The following SLC25A28 variants were observed in gnomAD, a reference collection of about 807,000 sequenced individuals.
The protein encoded by SLC25A28 is mitoferrin-2.
A neutral mutation model predicts 31.9 loss-of-function variants in SLC25A28; 10 were observed. That is an observed-to-expected ratio of 0.31 (90% CI 0.19 to 0.53). SLC25A28 has a LOEUF of 0.53. Ranked by LOEUF, SLC25A28 falls within the 20% of genes least tolerant of loss-of-function variation. The pLI, the probability that SLC25A28 is intolerant of heterozygous loss-of-function variation, is 0.95. For synonymous variants in SLC25A28, 208 were observed against 203.6 expected (o/e 1.02, Z -0.19); for missense variants, 256 against 490.3 (o/e 0.52, Z 4.51).
At chr10:99,612,649 A>C in intron 2 of SLC25A28, 50 bp from the exon 3 acceptor site, 1 of 1,606,920 alleles carries the variant, frequency 6.2e-7, no homozygotes, top group South Asian at 1.1e-5. Context: ...GAGCTGACCA[A>C]CTCATTGAGG....
chr10:99,644,854 C>A, the SLC25A28 span, among the ~76,000 whole-genome samples: 1 of 152,266 alleles, frequency 6.6e-6, no homozygotes, highest in East Asian at 1.9e-4. Flanking sequence ...GTTGAAAATT[C>A]TTTTCTTTAA....
chr10:99,635,756 T>C, the SLC25A28 span, among the ~76,000 whole-genome samples: 1 of 151,278 alleles, frequency 6.6e-6, no homozygotes, highest in Non-Finnish European at 1.5e-5. Flanking sequence ...CACATAAACT[T>C]AAAGTAAAGG....
At chr10:99,652,970 A>G in the SLC25A28 span, among the ~76,000 whole-genome samples, 1 of 152,210 alleles carries the variant, frequency 6.6e-6, no homozygotes, top group East Asian at 1.9e-4. Context: ...AGAGGATTAT[A>G]ACATAGCACA....
At position 99,616,724 on chromosome 10, in the gene SLC25A28, T is replaced by C. The variant is rs548172597; in HGVS notation, c.292-2800A>G. ...TTCTTGTAATCTGCTTTTGGGAAGC[T>C]ATATGGAAGGCTTGAGAGTCTGATA... On this transcript the variant is annotated intron_variant, in intron 1 of 3. Coordinates refer to ENST00000370495, the MANE Select transcript of SLC25A28 (RefSeq NM_031212.4). The C allele has an allele frequency of 5.1e-6, 5 of 985,448 alleles. No individual in the cohort carries two copies. The East Asian group carries it at 5.7e-4, about 112-fold the overall frequency. The allele number at this position is 985,448 out of a possible 1,614,324, so 61.0% of individuals were successfully genotyped here. A position where few individuals can be genotyped will look rare whatever the true frequency, so the allele number is the denominator to read the frequency against.
Position 99,613,328 on chromosome 10 carries a change from G to T in SLC25A28, c.520+368C>A. On this transcript the variant is annotated intron_variant, in intron 2 of 3. Coordinates refer to ENST00000370495, the MANE Select transcript of SLC25A28 (RefSeq NM_031212.4). This position sits in a 1 kb window ranked among gnomAD's most constrained non-coding sequence, Gnocchi z 4.9. ...TAGTATCTTCCTTGGGTGGCTGGCT[G>T]GGTCGCCTCCAATCCTGCCCTAAGG... is the stretch of plus-strand genomic sequence containing the variant. The T allele has an allele frequency of 2.8e-6, 3 of 1,085,878 alleles. No homozygotes were observed. Among genetic ancestry groups the T allele is most frequent in the Non-Finnish European group, 3.4e-6 (3 of 881,156 alleles). 67.3% of individuals were successfully genotyped at this position (1,085,878 alleles called of 1,614,324 possible). A position where few individuals can be genotyped will look rare whatever the true frequency, so the allele number is the denominator to read the frequency against.
At chr10:99,620,563 G>T (rs2034768994), upstream of SLC25A28, 4 of 1,019,362 alleles carry the variant, frequency 3.9e-6, no homozygotes, top group South Asian at 4.6e-5. Flanking sequence ...TAGCGAAGTC[G>T]CCTGTCATTC....
chr10:99,618,851 T>C (rs1357602547), intron 1 of SLC25A28: 1 of 985,346 alleles, frequency 1.0e-6, no homozygotes, highest in Non-Finnish European at 1.2e-6. Context: ...GGGATCTACT[T>C]TGCCTTTCCC....
chr10:99,618,777 C>G, intron 1 of SLC25A28: 1 of 985,432 alleles, frequency 1.0e-6, no homozygotes. Flanking sequence ...AGCGCTCCCC[C>G]CATTTCCTTA....
chr10:99,648,373 A>C, the SLC25A28 span, among the ~76,000 whole-genome samples: 1 of 152,188 alleles, frequency 6.6e-6, no homozygotes, highest in Non-Finnish European at 1.5e-5. Flanking sequence ...AGTATAATTC[A>C]AAGTGAGTAA....
chr10:99,626,755 T>C, the SLC25A28 span, among the ~76,000 whole-genome samples: 1 of 151,108 alleles, frequency 6.6e-6, no homozygotes, highest in East Asian at 2.0e-4. Flanking sequence ...ATATTCTGTG[T>C]ACATAAATAT....
In SLC25A28 at chr10:99,613,992, G is replaced by C. The variant is rs1431325506; in HGVS notation, c.292-68C>G. Reference sequence around the variant, plus strand: ...CTTCTCGCCCCACCTCAACACACTGGGCAGACCTTCTACATGGAGCTGTGC... The same window carrying C: ...CTTCTCGCCCCACCTCAACACACTGCGCAGACCTTCTACATGGAGCTGTGC... On this transcript the variant is annotated intron_variant, in intron 1 of 3. Coordinates refer to ENST00000370495, the MANE Select transcript of SLC25A28 (RefSeq NM_031212.4). The surrounding 1 kb of genome is among the most constrained non-coding windows in gnomAD (Gnocchi z 4.9). The C allele has an allele frequency of 1.0e-5, 15 of 1,476,840 alleles. No homozygotes were observed. The African/African-American group carries it at 1.7e-4, about 17-fold the overall frequency. 91.5% of individuals were successfully genotyped at this position (1,476,840 alleles called of 1,614,324 possible).
intron 1 of SLC25A28, chr10:99,616,379 A>T: frequency 1.2e-6 from 1 of 847,158 alleles, no homozygotes; most frequent in Non-Finnish European, 1.4e-6. Flanking sequence ...GGATTAAAAG[A>T]GATAAGATAT....
chr10:99,658,003 T>C, the SLC25A28 span, among the ~76,000 whole-genome samples: 1 of 151,894 alleles, frequency 6.6e-6, no homozygotes, highest in East Asian at 1.9e-4. Context: ...CTGGACAACA[T>C]AGTGAGACTC....
Position 99,611,438 on chromosome 10 carries a change from A to G in SLC25A28, c.578-72T>C. Reference sequence around the variant, plus strand: ...GGTGATGGAGAGTATCCAGATTCAGAGCCCCAAGTCAGCAGATCAGCCAAT... The same window carrying G: ...GGTGATGGAGAGTATCCAGATTCAGGGCCCCAAGTCAGCAGATCAGCCAAT... On this transcript the variant is annotated intron_variant, in intron 3 of 3. Transcript: ENST00000370495. The surrounding 1 kb of genome is among the most constrained non-coding windows in gnomAD (Gnocchi z 5.5). 6.4e-7 allele frequency: 1 copy of G among 1,563,762 alleles called. No individual in the cohort carries two copies. The highest frequency in any genetic ancestry group is 1.2e-5 in the South Asian group (1 of 85,050).
the SLC25A28 span, among the ~76,000 whole-genome samples, chr10:99,645,578 G>A: frequency 0.85 from 130,123 of 152,236 alleles, 55,710 homozygotes; most frequent in Middle Eastern, 0.92. Flanking sequence ...GTCATTCTCC[G>A]TCCAGCTTTG....
At chr10:99,627,256 A>G in the SLC25A28 span, among the ~76,000 whole-genome samples, 2 of 152,118 alleles carry the variant, frequency 1.3e-5, no homozygotes, top group African/African-American at 4.8e-5. Flanking sequence ...AAATAAAAAA[A>G]AAGTCTTTTT....
upstream of SLC25A28, chr10:99,620,557 G>T: frequency 9.8e-7 from 1 of 1,021,104 alleles, no homozygotes; most frequent in Non-Finnish European, 1.2e-6. Context: ...TAGTATTAGC[G>T]AAGTCGCCTG....
At chr10:99,620,864 C>T (rs2034776630), upstream of SLC25A28, 1 of 985,376 alleles carries the variant, frequency 1.0e-6, no homozygotes. Context: ...TGCAGAGCTG[C>T]GGTCCCTGTG....
the SLC25A28 span, among the ~76,000 whole-genome samples, chr10:99,647,449 T>G: frequency 1.4e-4 from 21 of 152,188 alleles, no homozygotes; most frequent in African/African-American, 5.1e-4. Flanking sequence ...CTTTGGCCAC[T>G]TGTATGTTTT....
Sources: allele counts gnomAD v4.1 joint callset (sites outside exome capture counted in the v4.1 genomes callset), GRCh38; gene constraint gnomAD v4.1.1; non-coding constraint Gnocchi (gnomAD v3.1); transcripts MANE v1.5; gene names NCBI Gene and HGNC (gene_info 2026-07-23, HGNC 2026-07-21).